ZFHX3: variants seen among roughly 807,000 people sequenced by gnomAD.
The protein encoded by ZFHX3 is zinc finger homeobox 3, also known as zinc finger homeobox protein 3.
A neutral mutation model predicts 279.1 loss-of-function variants in ZFHX3; 42 were observed. The ratio of observed to expected loss-of-function variants is 0.15; its 90% CI spans 0.12 to 0.19. The LOEUF is 0.19. Among genes scored for constraint, ZFHX3 ranks in the 10% least tolerant of loss-of-function variants. The pLI is 1.00. For synonymous variants in ZFHX3, 2,293 were observed against 1,957.8 expected, an observed-to-expected ratio of 1.17 and a Z score of -4.52; for missense variants, 4,981 against 4,754.0, an observed-to-expected ratio of 1.05 and a Z score of -1.40.
chr16:73,891,380 T>G (rs2030533011), intron 1 of ZFHX3, among the ~76,000 whole-genome samples: 2 of 151,966 alleles, frequency 1.3e-5, no homozygotes, highest in Admixed American at 6.6e-5. Context: ...GCAGTCCTAT[T>G]TGCATATTCA....
chr16:73,249,239 ACTTT>A (rs2013407638), intron 5 of ZFHX3, among the ~76,000 whole-genome samples: 1 of 152,228 alleles, frequency 6.6e-6, no homozygotes, highest in Non-Finnish European at 1.5e-5. Flanking sequence ...TCCCTAACTT[ACTTT>A]CTTTGAAGCC....
chr16:73,443,149 T>G (rs1032366376), intron 3 of ZFHX3, among the ~76,000 whole-genome samples: 2 of 152,180 alleles, frequency 1.3e-5, no homozygotes, highest in African/African-American at 4.8e-5. Flanking sequence ...CAGAACAACA[T>G]GTAAATTCAT....
chr16:72,880,294 C>T (rs532136073), intron 4 of ZFHX3, among the ~76,000 whole-genome samples: 1 of 152,310 alleles, frequency 6.6e-6, no homozygotes, highest in Non-Finnish European at 1.5e-5. Context: ...CTGTGGTCCT[C>T]CCAGTGTCCT....
At chr16:73,871,661 T>G (rs1318543211) in intron 1 of ZFHX3, among the ~76,000 whole-genome samples, 1 of 151,986 alleles carries the variant, frequency 6.6e-6, no homozygotes, top group African/African-American at 2.4e-5. Flanking sequence ...GACATCAAGA[T>G]GGAAAGCAAA....
At chr16:73,656,037 G>A (rs2052718125) in intron 2 of ZFHX3, among the ~76,000 whole-genome samples, 1 of 152,214 alleles carries the variant, frequency 6.6e-6, no homozygotes, top group African/African-American at 2.4e-5. Flanking sequence ...ATTATGCAAT[G>A]ATGAAAATGA....
chr16:73,516,588 T>C (rs1374863187), intron 2 of ZFHX3, among the ~76,000 whole-genome samples: 1 of 152,186 alleles, frequency 6.6e-6, no homozygotes, highest in Non-Finnish European at 1.5e-5. Context: ...TGGAATAATA[T>C]GTAGGGAACT....
At position 73,071,180 on chromosome 16, in the gene ZFHX3, G is replaced by T. The variant is rs187311956; in HGVS notation, c.-532-12168C>A. Among the ~76,000 whole-genome samples, 55 of 151,606 alleles carry T rather than the reference G, an allele frequency of 3.6e-4. 1 individual carries two copies. In the Middle Eastern group the frequency reaches 0.014, roughly 38 times the overall value. ...AAAAAGTCTTCTGGGCCAGGGGTAG[G>T]GGGAGGAGGGCCAGGCAAGGCTGCG... On this transcript the variant is annotated intron_variant, in intron 8 of 17. Transcript: ENST00000641206.
At chr16:73,556,495 G>A (rs566805177) in intron 2 of ZFHX3, among the ~76,000 whole-genome samples, 4 of 152,160 alleles carry the variant, frequency 2.6e-5, no homozygotes, top group Non-Finnish European at 4.4e-5. Context: ...AAAAGAAAGC[G>A]GTACAGCCTG....
chr16:73,403,558 T>TA (rs2017300546), intron 3 of ZFHX3, among the ~76,000 whole-genome samples: 1 of 151,650 alleles, frequency 6.6e-6, no homozygotes, highest in Non-Finnish European at 1.5e-5. Flanking sequence ...AATTTTTTTT[T>TA]AAAGGCAAAA....
At chr16:73,750,879 C>G (rs1008067872) in intron 1 of ZFHX3, among the ~76,000 whole-genome samples, 1 of 152,134 alleles carries the variant, frequency 6.6e-6, no homozygotes, top group Non-Finnish European at 1.5e-5. Context: ...AGGAAAAGCA[C>G]AGGCGATAAA....
chr16:72,952,570 C>G (rs913829397), intron 2 of ZFHX3, among the ~76,000 whole-genome samples: 1 of 152,132 alleles, frequency 6.6e-6, no homozygotes, highest in East Asian at 1.9e-4. Flanking sequence ...GTTTGCTGTG[C>G]CAGACAAGAG....
At chr16:73,319,274 C>T (rs1245684323) in intron 3 of ZFHX3, among the ~76,000 whole-genome samples, 2 of 151,824 alleles carry the variant, frequency 1.3e-5, no homozygotes, top group Non-Finnish European at 2.9e-5. Context: ...GGCCAAGCAA[C>T]GTTGATGAAT....
chr16:72,839,308 T>C (rs1442533254), intron 4 of ZFHX3, among the ~76,000 whole-genome samples: 2 of 152,144 alleles, frequency 1.3e-5, no homozygotes, highest in East Asian at 1.9e-4. Context: ...GGGTTTTTCC[T>C]TTCTTTGGAC....
intron 5 of ZFHX3, among the ~76,000 whole-genome samples, chr16:73,164,920 T>C (rs1009509882): frequency 3.9e-5 from 6 of 152,196 alleles, no homozygotes; most frequent in Non-Finnish European, 7.3e-5. Flanking sequence ...AGCTAATGAA[T>C]GTCTGAGTCA....
At chr16:73,173,008 G>GT (rs869289153) in intron 5 of ZFHX3, among the ~76,000 whole-genome samples, 1,071 of 49,946 alleles carry the variant, frequency 0.021, 16 homozygotes, top group Middle Eastern at 0.029. Context: ...TTTTTTTTTT[G>GT]TTTTTTTTTT....
At chr16:73,189,335 C>A (rs1194542962) in intron 5 of ZFHX3, among the ~76,000 whole-genome samples, 1 of 152,196 alleles carries the variant, frequency 6.6e-6, no homozygotes, top group Non-Finnish European at 1.5e-5. Context: ...ATCACGTGAT[C>A]ATTGTTCACT....
intron 1 of ZFHX3, among the ~76,000 whole-genome samples, chr16:73,024,174 C>T (rs1368193085): frequency 6.6e-6 from 1 of 152,198 alleles, no homozygotes; most frequent in East Asian, 1.9e-4. Flanking sequence ...CACAGCTTTG[C>T]TCCTCCTGAA....
intron 1 of ZFHX3, among the ~76,000 whole-genome samples, chr16:73,000,361 A>G (rs1035035903): frequency 6.6e-6 from 1 of 152,312 alleles, no homozygotes; most frequent in East Asian, 1.9e-4. Flanking sequence ...TGGTCTTTTC[A>G]TATTTGGAGC....
intron 5 of ZFHX3, among the ~76,000 whole-genome samples, chr16:73,182,867 A>T (rs1043694595): frequency 7.2e-6 from 1 of 138,916 alleles, no homozygotes; most frequent in African/African-American, 2.7e-5. Flanking sequence ...TTACAATCAC[A>T]GACACTGGAG....
Sources: allele counts gnomAD v4.1 joint callset (sites outside exome capture counted in the v4.1 genomes callset), GRCh38; gene constraint gnomAD v4.1.1; transcripts MANE v1.5; gene names NCBI Gene and HGNC (gene_info 2026-07-23, HGNC 2026-07-21).